CACNA1H: variants seen among roughly 807,000 people sequenced by gnomAD.
CACNA1H encodes the protein voltage-dependent T-type calcium channel subunit alpha-1H.
CACNA1H carries 149 observed loss-of-function variants against 192.5 expected under a neutral mutation model. The observed-to-expected ratio is 0.77, with a 90% CI of 0.68 to 0.89. The LOEUF (loss-of-function observed/expected upper bound fraction) is 0.89, where lower values mean the gene tolerates loss of function less well. CACNA1H is among the 40% of genes least tolerant of loss of function. CACNA1H has a pLI of 0.00. For missense variants in CACNA1H, 4,257 were observed against 3,423.5 expected (o/e 1.24, Z -6.08); for synonymous variants, 2,202 against 1,475.2 (o/e 1.49, Z -11.29).
chr16:1,190,447 G>A (rs964393079), intron 2 of CACNA1H, among the ~76,000 whole-genome samples: 8 of 152,214 alleles, frequency 5.3e-5, no homozygotes, highest in East Asian at 1.9e-4. Flanking sequence ...AGAGCTGCCC[G>A]AGCCCCTGCT....
intron 2 of CACNA1H, among the ~76,000 whole-genome samples, chr16:1,183,510 C>T (rs892545633): frequency 6.6e-6 from 1 of 152,234 alleles, no homozygotes; most frequent in Non-Finnish European, 1.5e-5. Context: ...TCCCCGGCAA[C>T]CCTGATCCTG....
chr16:1,196,673 A>AG (rs1463527296), intron 5 of CACNA1H, among the ~76,000 whole-genome samples: 3 of 152,028 alleles, frequency 2.0e-5, no homozygotes, highest in Non-Finnish European at 4.4e-5. Context: ...AGGTGTGAGG[A>AG]GGGGGCCTGG....
intron 9 of CACNA1H, 74 bp from the exon 10 acceptor site, chr16:1,203,936 G>T: frequency 8.8e-7 from 1 of 1,136,200 alleles, no homozygotes; most frequent in Admixed American, 2.6e-5. Flanking sequence ...CACCGCTCCT[G>T]TGTGTGAGGG....
chr16:1,212,890 G>A (rs1189601151), intron 26 of CACNA1H, among the ~76,000 whole-genome samples: 3 of 152,220 alleles, frequency 2.0e-5, no homozygotes, highest in Admixed American at 6.5e-5. Context: ...GTGCTTCAGT[G>A]ACTGCATGCC....
At position 1,212,098 on chromosome 16, in the gene CACNA1H, A is replaced by G. The variant is rs757007306; in HGVS notation, c.4719A>G (p.Arg1573=). 6.2e-7 allele frequency: 1 copy of G among 1,611,434 alleles called. No homozygotes were observed. The highest frequency in any genetic ancestry group is 2.2e-5 in the East Asian group (1 of 44,864). Residue 1573 remains arginine (R), a synonymous_variant, in exon 25 of 35, where the codon CGA becomes CGG. Transcript: ENST00000348261. ...AGGAGGCGGAGGAGGCGCGGCGGCG[A>G]GAGGAGAAGCGGCTGCGGCGCCTAG... ...QHQEAEEARR[R]EEKRLRRLER...
Position 1,212,257 on chromosome 16 carries a change from G to T in CACNA1H, c.4759+119G>T, listed in dbSNP as rs1969539572. On this transcript the variant is annotated intron_variant, in intron 25 of 34. Coordinates refer to ENST00000348261, the MANE Select transcript of CACNA1H (RefSeq NM_021098.3). ...AATGGCTCTGCACGCCACCCGCCTT[G>T]CCTGGGCCTGCATGGGGGCTGGGCC... The T allele has an allele frequency of 7.9e-6, 11 of 1,397,324 alleles. No individual in the cohort carries two copies. In the South Asian group the frequency reaches 1.2e-4, roughly 15 times the overall value. The allele number at this position is 1,397,324 out of a possible 1,614,324, so 86.6% of individuals were successfully genotyped here.
At chr16:1,206,955 C>T in intron 12 of CACNA1H, 46 bp from the exon 13 acceptor site, 4 of 664,670 alleles carry the variant, frequency 6.0e-6, no homozygotes, top group Non-Finnish European at 9.6e-6. Context: ...TTCCGCTCAG[C>T]ACACCCCTGC....
Position 1,153,169 on chromosome 16 carries a change from C to CCGGCCCG in CACNA1H, c.-317_-311dup, listed in dbSNP as rs1461748757. The CCGGCCCG allele has an allele frequency of 2.8e-5, 4 of 144,566 alleles. No individual in the cohort carries two copies. The highest frequency in any genetic ancestry group is 5.0e-5 in the African/African-American group (2 of 40,246). The allele number at this position is 144,566 out of a possible 1,614,324, so 9.0% of individuals were successfully genotyped here. On this transcript the variant is annotated 5_prime_UTR_variant, in exon 1 of 35. Transcript: ENST00000348261. ...GGCTCGCTCGCTGCCTCACCGGTCC[C>CCGGCCCG]CGGCCCGCGCCCCGCGCCCCGCGCC...
chr16:1,179,111 C>G (rs1965209056), intron 2 of CACNA1H, among the ~76,000 whole-genome samples: 1 of 152,170 alleles, frequency 6.6e-6, no homozygotes, highest in Admixed American at 6.5e-5. Context: ...CACTGTTACT[C>G]AGACCTGCCT....
rs746493832 is a variant in CACNA1H at position 1,205,125 on chromosome 16, G to A, written c.2463G>A (p.Leu821=). The part of the protein sequence containing the change: ...GVEYHEQPEE[L]TNALEISNIV... ...ACCTCTGCCTGCAGCCCGAGGAGCTGACTAATGCTCTGGAGATCAGCAACA... is the reference window on the plus strand; with the variant it reads ...ACCTCTGCCTGCAGCCCGAGGAGCTAACTAATGCTCTGGAGATCAGCAACA... Residue 821 remains leucine (L), a synonymous_variant, in exon 11 of 35, where the codon CTG becomes CTA. Coordinates refer to ENST00000348261, the MANE Select transcript of CACNA1H (RefSeq NM_021098.3). 11 of 1,612,088 alleles carry A rather than the reference G, an allele frequency of 6.8e-6. No homozygotes were observed. Among genetic ancestry groups the A allele is most frequent in the Non-Finnish European group, 8.5e-6 (10 of 1,179,700 alleles).
chr16:1,201,520 G>C, intron 8 of CACNA1H, 143 bp from the exon 9 acceptor site: 4 of 1,013,110 alleles, frequency 3.9e-6, no homozygotes, highest in Non-Finnish European at 4.3e-6. Flanking sequence ...ACTGAACACC[G>C]CAGCAGCCTG....
chr16:1,202,393 C>A lies in CACNA1H; in HGVS notation c.1943C>A (p.Pro648Gln). ...CCGCCAGGCACCGGGGGGCACGGCC[C>A]GTTGAGCTTGAACAGCCCTGATCCC... ...GGPPGTGGHG[P>Q]LSLNSPDPYE... The change falls in exon 9 of 35, where the codon CCG becomes CAG. Residue 648 changes from proline (P) to glutamine (Q), a missense_variant. Transcript: ENST00000348261. The A allele has an allele frequency of 1.9e-6, 3 of 1,545,496 alleles. No individual in the cohort carries two copies. Among genetic ancestry groups the A allele is most frequent in the East Asian group, 2.4e-5 (1 of 41,050 alleles).
At chr16:1,206,077 C>T in intron 11 of CACNA1H, 27 bp from the exon 12 acceptor site, 6 of 1,537,054 alleles carry the variant, frequency 3.9e-6, no homozygotes, top group Non-Finnish European at 5.2e-6. Context: ...CGTGGCCCCG[C>T]TGACCCTCGC....
intron 2 of CACNA1H, among the ~76,000 whole-genome samples, chr16:1,192,613 G>GGTGGAGGAGGCGGGCC (rs1966721329): frequency 6.6e-6 from 1 of 152,228 alleles, no homozygotes; most frequent in Non-Finnish European, 1.5e-5. Flanking sequence ...AACTGCCAGG[G>GGTGGAGGAGGCGGGCC]TCAGGCAAGT....
chr16:1,213,958 C>A, intron 27 of CACNA1H, 27 bp downstream of exon 27: 1 of 1,590,342 alleles, frequency 6.3e-7, no homozygotes. Context: ...CGCGAGGGGC[C>A]CAGGGGCTGG....
At chr16:1,208,794 G>A (rs1320406461) in intron 16 of CACNA1H, among the ~76,000 whole-genome samples, 1 of 152,148 alleles carries the variant, frequency 6.6e-6, no homozygotes, top group East Asian at 1.9e-4. Context: ...GCTGGTTCTG[G>A]CCCCTGACCC....
At chr16:1,190,707 G>C (rs115923361) in intron 2 of CACNA1H, among the ~76,000 whole-genome samples, 2,607 of 152,382 alleles carry the variant, frequency 0.017, 80 homozygotes, top group African/African-American at 0.059. Context: ...AGGCACAGGG[G>C]TGGGGTCCTT....
At chr16:1,162,249 G>A (rs937110268) in intron 2 of CACNA1H, among the ~76,000 whole-genome samples, 1 of 152,100 alleles carries the variant, frequency 6.6e-6, no homozygotes, top group Admixed American at 6.5e-5. Flanking sequence ...CCCTACCTGT[G>A]GCACTCTGTT....
At chr16:1,217,434 C>T (rs576336433) in intron 31 of CACNA1H, among the ~76,000 whole-genome samples, 13 of 152,288 alleles carry the variant, frequency 8.5e-5, no homozygotes, top group Middle Eastern at 3.4e-3. Context: ...GCCTCAGCCT[C>T]GGCCCAGGCT....
Sources: allele counts gnomAD v4.1 joint callset (sites outside exome capture counted in the v4.1 genomes callset), GRCh38; gene constraint gnomAD v4.1.1; transcripts MANE v1.5; gene names NCBI Gene and HGNC (gene_info 2026-07-23, HGNC 2026-07-21).